FNIP2: variants seen among roughly 807,000 people sequenced by gnomAD.
FNIP2 encodes folliculin-interacting protein 2.
A neutral mutation model predicts 108.7 loss-of-function variants in FNIP2; 32 were observed. The observed-to-expected ratio is 0.29, with a 90% CI of 0.22 to 0.40. FNIP2 has a LOEUF of 0.40. FNIP2 is among the 10% of genes least tolerant of loss of function. The probability of loss-of-function intolerance (pLI) is 1.00; values close to 1 mark genes in which losing one functional copy is unlikely to be tolerated. For synonymous variants in FNIP2, 480 were observed against 496.7 expected (o/e 0.97, Z 0.45); for missense variants, 1,202 against 1,381.6 (o/e 0.87, Z 2.06).
chr4:158,770,615 G>T (rs1048070788), intron 1 of FNIP2, among the ~76,000 whole-genome samples: 23 of 152,142 alleles, frequency 1.5e-4, no homozygotes, highest in African/African-American at 5.6e-4. Flanking sequence ...AACTCCCCAA[G>T]TTAAATTCTC....
chr4:158,893,510 A>G (rs1214116335), intron 15 of FNIP2: 14 of 545,676 alleles, frequency 2.6e-5, no homozygotes, highest in Non-Finnish European at 4.0e-5. Flanking sequence ...AACAATATTA[A>G]TGGTTGCAAA....
At chr4:158,804,175 CA>C (rs1721547618) in intron 1 of FNIP2, among the ~76,000 whole-genome samples, 1 of 152,104 alleles carries the variant, frequency 6.6e-6, no homozygotes, top group Non-Finnish European at 1.5e-5. Flanking sequence ...CTCCTGACCT[CA>C]AATGATCCGT....
At chr4:158,891,372 T>C in intron 14 of FNIP2, 74 bp from the exon 15 acceptor site, 1 of 1,337,172 alleles carries the variant, frequency 7.5e-7, no homozygotes, top group South Asian at 1.3e-5. Flanking sequence ...TTAAATGTAT[T>C]TATCAGTAGT....
chr4:158,870,274 T>C (rs189978844), intron 13 of FNIP2, 39 bp from the exon 14 acceptor site: 1 of 1,598,078 alleles, frequency 6.3e-7, no homozygotes, highest in Non-Finnish European at 8.6e-7. Context: ...AAAAGTACAT[T>C]TTTAGCTGTG....
intron 14 of FNIP2, chr4:158,871,651 G>C: frequency 2.0e-6 from 2 of 985,342 alleles, no homozygotes; most frequent in Non-Finnish European, 2.4e-6. Context: ...GTGGCCAAAC[G>C]TTCCTAACCC....
At position 158,904,596 on chromosome 4, in the gene FNIP2, T is replaced by C; in HGVS notation, c.*52T>C. The C allele has an allele frequency of 6.8e-7, 1 of 1,467,882 alleles. No individual in the cohort carries two copies. Among genetic ancestry groups the C allele is most frequent in the Non-Finnish European group, 9.5e-7 (1 of 1,054,400 alleles). 90.9% of individuals were successfully genotyped at this position (1,467,882 alleles called of 1,614,324 possible). A position where few individuals can be genotyped will look rare whatever the true frequency, so the allele number is the denominator to read the frequency against. On this transcript the variant is annotated 3_prime_UTR_variant, in exon 17 of 17. Transcript: ENST00000264433. ...GGAAGAAAAAAATCAAATTCTCAACTGAAGGAGAAAGGAATAAGCTCTCTG... is the reference window on the plus strand; with the variant it reads ...GGAAGAAAAAAATCAAATTCTCAACCGAAGGAGAAAGGAATAAGCTCTCTG...
intron 1 of FNIP2, among the ~76,000 whole-genome samples, chr4:158,821,442 G>A (rs1269324314): frequency 6.6e-6 from 1 of 152,216 alleles, no homozygotes; most frequent in Non-Finnish European, 1.5e-5. Flanking sequence ...ATGAAGAGAT[G>A]TCATCAGTAA....
intron 1 of FNIP2, among the ~76,000 whole-genome samples, chr4:158,803,781 G>T (rs1021148393): frequency 6.6e-6 from 1 of 152,186 alleles, no homozygotes; most frequent in African/African-American, 2.4e-5. Context: ...GTGATCCCAA[G>T]ATATTAAAAG....
Position 158,829,075 on chromosome 4 carries a change from C to G in FNIP2, c.235-4C>G, listed in dbSNP as rs762939660. On this transcript the variant is annotated splice_polypyrimidine_tract_variant and splice_region_variant and intron_variant, in intron 2 of 16. Coordinates refer to ENST00000264433, the MANE Select transcript of FNIP2 (RefSeq NM_020840.3). ...TTTTACCTTGCCTGTCTCTCTTAACCTAGAAAACAGAGGATGTTCCTATTA... is the reference window on the plus strand; with the variant it reads ...TTTTACCTTGCCTGTCTCTCTTAACGTAGAAAACAGAGGATGTTCCTATTA... 2.5e-6 allele frequency: 4 copies of G among 1,601,196 alleles called. No homozygotes were observed. The African/African-American group carries it at 5.4e-5, about 21-fold the overall frequency.
intron 16 of FNIP2, 81 bp downstream of exon 16, chr4:158,895,946 C>A: frequency 2.0e-6 from 2 of 1,021,980 alleles, no homozygotes; most frequent in South Asian, 1.4e-5. Flanking sequence ...TAGCCTGTGT[C>A]ACCCTAAACC....
chr4:158,813,008 G>T (rs990458606), intron 1 of FNIP2, among the ~76,000 whole-genome samples: 2 of 151,862 alleles, frequency 1.3e-5, no homozygotes, highest in African/African-American at 4.8e-5. Flanking sequence ...CTTCAGATTG[G>T]CTTCTTTCAC....
chr4:158,791,941 G>T (rs1385961601), intron 1 of FNIP2, among the ~76,000 whole-genome samples: 1 of 152,082 alleles, frequency 6.6e-6, no homozygotes, highest in East Asian at 1.9e-4. Context: ...CCGGAGAGTG[G>T]TGATCTGGAG....
At chr4:158,804,150 C>T (rs546657506) in intron 1 of FNIP2, among the ~76,000 whole-genome samples, 1 of 152,244 alleles carries the variant, frequency 6.6e-6, no homozygotes, top group African/African-American at 2.4e-5. Context: ...CCATGTTGGT[C>T]AGGCTGGTCT....
intron 1 of FNIP2, chr4:158,806,126 G>T (rs977278220): frequency 5.9e-6 from 7 of 1,195,286 alleles, no homozygotes; most frequent in Non-Finnish European, 6.4e-6. Flanking sequence ...GGAGTGAAAT[G>T]ATTGTTTAGA....
At chr4:158,872,286 A>G (rs1454104113) in intron 14 of FNIP2, 2 of 985,328 alleles carry the variant, frequency 2.0e-6, no homozygotes, top group Non-Finnish European at 2.4e-6. Flanking sequence ...TTATGTTTCC[A>G]TAGGCTGGCA....
chr4:158,831,768 C>A, intron 3 of FNIP2, 93 bp from the exon 4 acceptor site: 1 of 787,084 alleles, frequency 1.3e-6, no homozygotes, highest in South Asian at 1.7e-5. Flanking sequence ...TTTTAATCAC[C>A]GATGACACTA....
chr4:158,780,543 A>C (rs183905069), intron 1 of FNIP2, among the ~76,000 whole-genome samples: 253 of 152,344 alleles, frequency 1.7e-3, no homozygotes, highest in African/African-American at 5.7e-3. Context: ...CAATTTATAG[A>C]TTATAAATTT....
At chr4:158,823,258 C>A (rs1399918573) in intron 1 of FNIP2, among the ~76,000 whole-genome samples, 1 of 151,790 alleles carries the variant, frequency 6.6e-6, no homozygotes, top group Non-Finnish European at 1.5e-5. Flanking sequence ...TTTTTAATGA[C>A]CTCATTTTAT....
chr4:158,780,175 T>C (rs1239605970), intron 1 of FNIP2, among the ~76,000 whole-genome samples: 1 of 151,638 alleles, frequency 6.6e-6, no homozygotes, highest in Non-Finnish European at 1.5e-5. Flanking sequence ...ACCACTGTAC[T>C]CTAGCCTGGG....
Sources: allele counts gnomAD v4.1 joint callset (sites outside exome capture counted in the v4.1 genomes callset), GRCh38; gene constraint gnomAD v4.1.1; transcripts MANE v1.5; gene names NCBI Gene and HGNC (gene_info 2026-07-23, HGNC 2026-07-21).